Variants in COL12A1 observed in about 807,000 individuals in gnomAD.
COL12A1 encodes collagen alpha-1(XII) chain.
In COL12A1, 114 loss-of-function variants were observed where a neutral mutation model predicts 349.7. That is an observed-to-expected ratio of 0.33 (90% CI 0.28 to 0.38). The LOEUF (loss-of-function observed/expected upper bound fraction) is 0.38. Ranked by LOEUF, COL12A1 falls within the 10% of genes least tolerant of loss-of-function variation. The pLI is 1.00. For synonymous variants in COL12A1, 1,369 were observed against 1,329.0 expected, an observed-to-expected ratio of 1.03 and a Z score of -0.66; for missense variants, 3,284 against 3,756.9, an observed-to-expected ratio of 0.87 and a Z score of 3.29.
chr6:75,157,164 G>T (rs576674959), intron 14 of COL12A1, among the ~76,000 whole-genome samples: 1 of 151,822 alleles, frequency 6.6e-6, no homozygotes, highest in African/African-American at 2.4e-5. Context: ...ATTAAATTCC[G>T]TTTACTAATA....
At chr6:75,106,713 C>T (rs1375761253) in intron 52 of COL12A1, among the ~76,000 whole-genome samples, 1 of 152,028 alleles carries the variant, frequency 6.6e-6, no homozygotes, top group Non-Finnish European at 1.5e-5. Flanking sequence ...GATTCCCACT[C>T]CTGATTCACT....
chr6:75,124,048 G>A lies in COL12A1; in HGVS notation c.6771C>T (p.His2257=). The A allele has an allele frequency of 1.9e-6, 3 of 1,613,984 alleles. No individual in the cohort carries two copies. The highest frequency in any genetic ancestry group is 2.5e-6 in the Non-Finnish European group (3 of 1,179,892). Residue 2257 remains histidine, a synonymous_variant, in exon 42 of 66, where the codon CAC becomes CAT. Transcript: ENST00000322507. ...EITVRGSETS[H]CFTGLSPDTD... The stretch of plus-strand genomic sequence containing the variant: ...TGTCTGGTGAAAGGCCAGTGAAGCA[G>A]TGACTGGTTTCTGATCCACGCACTG...
At chr6:75,201,748 T>C (rs1770540719) in intron 2 of COL12A1, among the ~76,000 whole-genome samples, 1 of 152,192 alleles carries the variant, frequency 6.6e-6, no homozygotes, top group Non-Finnish European at 1.5e-5. Flanking sequence ...GGGGTTGACA[T>C]ATTGAAATGG....
At chr6:75,088,523 C>T (rs1264965491) in intron 64 of COL12A1, among the ~76,000 whole-genome samples, 2 of 150,714 alleles carry the variant, frequency 1.3e-5, no homozygotes, top group Non-Finnish European at 3.0e-5. Flanking sequence ...AGGAAGGAGA[C>T]AGAAAGGGGA....
chr6:75,096,895 CAAAAAAAAAAAAA>C (rs35243223), intron 59 of COL12A1, among the ~76,000 whole-genome samples: 1 of 73,296 alleles, frequency 1.4e-5, no homozygotes, highest in African/African-American at 5.5e-5. Context: ...GACTCCGTCT[CAAAAAAAAAAAAA>C]AAAAAAAAAA....
At chr6:75,099,640 T>C (rs1768209901) in intron 58 of COL12A1, among the ~76,000 whole-genome samples, 1 of 152,138 alleles carries the variant, frequency 6.6e-6, no homozygotes, top group Admixed American at 6.5e-5. Context: ...TTATTCTTCA[T>C]TTTTTGCTGC....
chr6:75,183,532 A>T lies in COL12A1; in HGVS notation c.1409T>A (p.Phe470Tyr). ...RAFLEVLVKS[F>Y]EISPNRVQIS... The stretch of plus-strand genomic sequence containing the variant: ...CTGGACCCTATTTGGTGAAATTTCA[A>T]AACTTTTTACAAGAACTTCCAAAAA... The change falls in exon 10 of 66, where the codon TTT (phenylalanine) becomes TAT (tyrosine). Residue 470 changes from phenylalanine to tyrosine, a missense_variant. This residue lies in a region of COL12A1 where 2,601 missense variants were observed against 2,824.8 expected (regional missense o/e 0.92). Transcript: ENST00000322507. The T allele has an allele frequency of 6.2e-7, 1 of 1,614,162 alleles. No individual in the cohort carries two copies. Among genetic ancestry groups the T allele is most frequent in the South Asian group, 1.1e-5 (1 of 91,082 alleles).
In COL12A1 at chr6:75,151,140, C is replaced by T. The variant is rs1767460163; in HGVS notation, c.4147+1G>A. 2 of 1,407,154 alleles carry T rather than the reference C, an allele frequency of 1.4e-6. No homozygotes were observed. The highest frequency in any genetic ancestry group is 3.0e-5 in the African/African-American group (2 of 65,900). The allele number at this position is 1,407,154 out of a possible 1,614,324, so 87.2% of individuals were successfully genotyped here. ...GGAGAGAAACTCTGGGTTAAACTTACCTGGACCTTTGACACTGTTACACAA... is the reference window on the plus strand; with the variant it reads ...GGAGAGAAACTCTGGGTTAAACTTATCTGGACCTTTGACACTGTTACACAA... On this transcript the variant is annotated splice_donor_variant, in intron 21 of 65. Transcript: ENST00000322507. LOFTEE classifies it high-confidence loss of function.
chr6:75,134,884 C>T lies in COL12A1; in HGVS notation c.5395-29G>A, dbSNP rs1332020. ...GAGTAAAAAGGGTCTTGGTAAGTGT[C>T]AGCCTTGCTCTCTCCATCTCACTAA... On this transcript the variant is annotated intron_variant, in intron 31 of 65. Transcript: ENST00000322507. The T allele has an allele frequency of 0.43, 683,445 of 1,596,794 alleles. 147,524 individuals carry two copies. The highest frequency in any genetic ancestry group is 0.57 in the East Asian group (25,230 of 44,608).
In COL12A1 at chr6:75,087,668, TCCAGGACGG is replaced by T. The variant is rs1342522384; in HGVS notation, c.9081_9089del (p.Arg3028_Gly3030del). On this transcript the variant is annotated inframe_deletion, in exon 65 of 66. Coordinates refer to ENST00000322507, the MANE Select transcript of COL12A1 (RefSeq NM_004370.6). ...CTGGGGGTCCTCGGATACCTGAGTT[TCCAGGACGG>T]CCAGGGGGGCCAGGGGGACCTCTTG... 3.1e-6 allele frequency: 5 copies of T among 1,610,748 alleles called. No individual in the cohort carries two copies. Among genetic ancestry groups the T allele is most frequent in the Admixed American group, 1.7e-5 (1 of 58,928 alleles).
intron 14 of COL12A1, among the ~76,000 whole-genome samples, chr6:75,160,808 C>T (rs959216295): frequency 2.6e-5 from 4 of 152,074 alleles, no homozygotes; most frequent in Non-Finnish European, 5.9e-5. Context: ...CATAAAGAAA[C>T]CAATTTTCCA....
intron 43 of COL12A1, 102 bp from the exon 44 acceptor site, chr6:75,121,543 G>A: frequency 7.4e-7 from 1 of 1,347,822 alleles, no homozygotes. Flanking sequence ...GCTACGCAAA[G>A]TGTGGTTCTG....
intron 8 of COL12A1, among the ~76,000 whole-genome samples, chr6:75,186,904 G>T (rs554060402): frequency 6.6e-6 from 1 of 151,980 alleles, no homozygotes; most frequent in Non-Finnish European, 1.5e-5. Flanking sequence ...GCTTATAAGT[G>T]GGGGCTAAAT....
chr6:75,169,099 A>T (rs1405784995), intron 13 of COL12A1, among the ~76,000 whole-genome samples: 1 of 152,170 alleles, frequency 6.6e-6, no homozygotes, highest in East Asian at 1.9e-4. Context: ...GGCTCTGAAC[A>T]CACGCATGCC....
chr6:75,162,942 CAA>C (rs1323186477), intron 14 of COL12A1, among the ~76,000 whole-genome samples: 9 of 152,132 alleles, frequency 5.9e-5, no homozygotes, highest in Non-Finnish European at 1.5e-5. Context: ...TAGAGAAATG[CAA>C]ATCAAAACCA....
At chr6:75,134,926 C>G (rs1562192807) in intron 31 of COL12A1, 71 bp from the exon 32 acceptor site, 2 of 1,496,812 alleles carry the variant, frequency 1.3e-6, no homozygotes, top group South Asian at 2.8e-5. Context: ...AGAAAAAGCT[C>G]TTTCTACAGG....
chr6:75,152,199 T>A lies in COL12A1; in HGVS notation c.3767A>T (p.His1256Leu), dbSNP rs199692759. 15 of 1,613,842 alleles carry A rather than the reference T, an allele frequency of 9.3e-6. No homozygotes were observed. The South Asian group carries it at 1.2e-4, about 13-fold the overall frequency. ...TTGCAACAAGCTCTTCTTGTCTCTG[T>A]GTGCATTTAACTGCCACTCTGTTCT... ...DPRTEWQLNA[H>L]RDKKSLLQAV... The change falls in exon 19 of 66, where the codon CAC (histidine) becomes CTC (leucine). Residue 1256 changes from histidine to leucine, a missense_variant. By Grantham distance (99) the His-to-Leu change is moderately conservative. Around this residue, in one of 2 missense-constraint regions of COL12A1, gnomAD observed 2,601 missense variants for 2,824.8 expected, o/e 0.92. Coordinates refer to ENST00000322507, the MANE Select transcript of COL12A1 (RefSeq NM_004370.6).
Position 75,177,589 on chromosome 6 carries a change from T to G in COL12A1, c.2437+74A>C. On this transcript the variant is annotated intron_variant, in intron 12 of 65. Coordinates refer to ENST00000322507, the MANE Select transcript of COL12A1 (RefSeq NM_004370.6). ...CAAAGTGTCTCATTAGTTTTTTATC[T>G]GGATAGTTGTCCCAATTTTCCCCTC... is the stretch of plus-strand genomic sequence containing the variant. 7 of 1,555,178 alleles carry G rather than the reference T, an allele frequency of 4.5e-6. No homozygotes were observed. The South Asian group carries it at 8.0e-5, about 18-fold the overall frequency.
intron 11 of COL12A1, 69 bp downstream of exon 11, chr6:75,180,870 C>A (rs1294989086): frequency 3.3e-6 from 5 of 1,535,282 alleles, no homozygotes; most frequent in South Asian, 1.2e-5. Flanking sequence ...ATGGTTATTA[C>A]AAACTGTAAC....
Sources: gnomAD v4.1 joint callset for allele counts (sites outside exome capture counted in the v4.1 genomes callset) on GRCh38, gnomAD v4.1.1 for gene constraint, gnomAD v4.1.1 regional missense constraint, MANE v1.5 for transcripts, NCBI Gene and HGNC (gene_info 2026-07-23, HGNC 2026-07-21) for gene names.